Variants in ZNF649 observed in about 807,000 individuals in gnomAD.
ZNF649 encodes zinc finger protein 649.
Under a neutral mutation model 14.1 loss-of-function variants are expected in ZNF649, and 7 were observed. The observed-to-expected ratio is 0.49, with a 90% CI of 0.28 to 0.93. The LOEUF (loss-of-function observed/expected upper bound fraction) is 0.93, where lower values mean the gene tolerates loss of function less well. Among genes scored for constraint, ZNF649 ranks in the 40% least tolerant of loss-of-function variants. The pLI is 0.10. For missense variants in ZNF649, 544 were observed against 608.1 expected (o/e 0.89, Z 1.11); for synonymous variants, 227 against 212.3 (o/e 1.07, Z -0.60).
Position 51,896,941 on chromosome 19 carries a change from G to A in ZNF649, c.53C>T (p.Thr18Ile). 1.2e-6 allele frequency: 2 copies of A among 1,614,184 alleles called. No individual in the cohort carries two copies. The highest frequency in any genetic ancestry group is 2.2e-5 in the East Asian group (1 of 44,884). The change falls in exon 3 of 5, where the codon ACC becomes ATC. Residue 18 changes from threonine to isoleucine, a missense_variant. By Grantham distance (89) the Thr-to-Ile change is moderately conservative (BLOSUM62 -1). Coordinates refer to ENST00000354957, the MANE Select transcript of ZNF649 (RefSeq NM_023074.4). ...GCTCAGGAACTGCCACTCCTCCCAG[G>A]TGAAGTCCACAGCCACATCCTCCAG... is the stretch of plus-strand genomic sequence containing the variant. ...LTLEDVAVDF[T>I]WEEWQFLSPA...
intron 4 of ZNF649, among the ~76,000 whole-genome samples, chr19:51,894,128 A>G (rs915771184): frequency 3.3e-5 from 5 of 150,928 alleles, no homozygotes; most frequent in African/African-American, 1.2e-4. Flanking sequence ...TTTCAAGCTA[A>G]TCTTTTTTTT....
At chr19:51,904,534 C>T (rs2085112389) in intron 1 of ZNF649, among the ~76,000 whole-genome samples, 1 of 152,116 alleles carries the variant, frequency 6.6e-6, no homozygotes, top group Non-Finnish European at 1.5e-5. Context: ...CCGATTCACC[C>T]CAAAACCTAC....
In ZNF649 at chr19:51,891,652, T is replaced by C; in HGVS notation, c.484A>G (p.Lys162Glu). ...FPESRKPIST[K>E]SQFLKHQQTH... ...TGCTGATGTTTAAGGAATTGTGACT[T>C]GGTGCTGATGGGTTTTCTACTTTCA... The change falls in exon 5 of 5, where the codon AAG becomes GAG. Residue 162 changes from lysine to glutamate, a missense_variant. By Grantham distance (56) the Lys-to-Glu change is moderately conservative. Transcript: ENST00000354957. This position sits in a 1 kb window ranked among gnomAD's most constrained non-coding sequence, Gnocchi z 4.2. 1 of 1,614,188 alleles carries C rather than the reference T, an allele frequency of 6.2e-7. No individual in the cohort carries two copies. The highest frequency in any genetic ancestry group is 8.5e-7 in the Non-Finnish European group (1 of 1,180,024).
chr19:51,898,031 G>A (rs1170822082), intron 2 of ZNF649, among the ~76,000 whole-genome samples: 1 of 149,376 alleles, frequency 6.7e-6, no homozygotes, highest in Non-Finnish European at 1.5e-5. Flanking sequence ...CCAGGATGCA[G>A]AGGTTGCAGT....
rs200449932 is a variant in ZNF649, at chr19:51,901,465, G to A, written c.-187-1171C>T. Among the ~76,000 whole-genome samples the A allele has an allele frequency of 1.1e-4, 17 of 152,218 alleles. No homozygotes were observed. The East Asian group carries it at 3.3e-3, about 29-fold the overall frequency. On this transcript the variant is annotated intron_variant, in intron 1 of 4. Transcript: ENST00000354957. ...TAGGTCATGAGGGCTCCTCCCTTGT[G>A]AGTGGCATTAAGGCCCTTATAAAAG...
In ZNF649 at chr19:51,890,575, A is replaced by G; in HGVS notation, c.*43T>C. On this transcript the variant is annotated 3_prime_UTR_variant, in exon 5 of 5. Transcript: ENST00000354957. Reference sequence around the variant, plus strand: ...AAGGCCCATGGGACATGACAAACTCAGCATTCCGCTGGAGGCTATATGATC... The same window carrying G: ...AAGGCCCATGGGACATGACAAACTCGGCATTCCGCTGGAGGCTATATGATC... 2 of 1,350,920 alleles carry G rather than the reference A, an allele frequency of 1.5e-6. No homozygotes were observed. The highest frequency in any genetic ancestry group is 2.1e-6 in the Non-Finnish European group (2 of 960,126). The allele number at this position is 1,350,920 out of a possible 1,614,324, so 83.7% of individuals were successfully genotyped here.
chr19:51,894,258 G>A (rs183767573), intron 4 of ZNF649, among the ~76,000 whole-genome samples: 47 of 151,876 alleles, frequency 3.1e-4, no homozygotes, highest in East Asian at 1.4e-3. Context: ...TCAGTCTCCC[G>A]AGCAGCTGGG....
chr19:51,892,577 G>A (rs1291997788), intron 4 of ZNF649, among the ~76,000 whole-genome samples: 2 of 152,080 alleles, frequency 1.3e-5, no homozygotes, highest in Non-Finnish European at 2.9e-5. Flanking sequence ...GACATAGGTA[G>A]TAGAATAAAT....
At chr19:51,893,802 G>A (rs552145399) in intron 4 of ZNF649, among the ~76,000 whole-genome samples, 8 of 152,082 alleles carry the variant, frequency 5.3e-5, no homozygotes, top group East Asian at 1.9e-4. Context: ...TGTTGGCATC[G>A]GTGAATGGAG....
Position 51,896,394 on chromosome 19 carries a change from A to G in ZNF649, c.238+78T>C, listed in dbSNP as rs574111677. On this transcript the variant is annotated intron_variant, in intron 4 of 4. Coordinates refer to ENST00000354957, the MANE Select transcript of ZNF649 (RefSeq NM_023074.4). The stretch of plus-strand genomic sequence containing the variant: ...TGTTTCTGTCTCCCTAGACACTTTC[A>G]CAACTGTCATGCCTTCTCTAAATGA... 3.1e-6 allele frequency: 4 copies of G among 1,303,814 alleles called. No individual in the cohort carries two copies. In the East Asian group the frequency reaches 9.2e-5, roughly 30 times the overall value. 80.8% of individuals were successfully genotyped at this position (1,303,814 alleles called of 1,614,324 possible).
Position 51,890,622 on chromosome 19 carries a change from G to A in ZNF649, c.1514C>T (p.Ser505Leu). ...GATCAAACAGCAAACTGTTTATCAT[G>A]AATGCAGGATGTGGGCAAACTCACA... ...GQCEFAHILH[S>L] Residue 505 changes from serine to leucine, a missense_variant, in exon 5 of 5, where the codon TCA (serine) becomes TTA (leucine). Transcript: ENST00000354957. 2 of 1,600,392 alleles carry A rather than the reference G, an allele frequency of 1.2e-6. No homozygotes were observed. The highest frequency in any genetic ancestry group is 1.1e-5 in the South Asian group (1 of 90,278).
chr19:51,903,069 G>A (rs73934698), intron 1 of ZNF649, among the ~76,000 whole-genome samples: 13,330 of 151,896 alleles, frequency 0.088, 1,838 homozygotes, highest in African/African-American at 0.29. Flanking sequence ...TACAGATGAA[G>A]AGGCAGATGG....
chr19:51,904,340 G>T (rs962877518), intron 1 of ZNF649: 2 of 152,060 alleles, frequency 1.3e-5, no homozygotes, highest in Non-Finnish European at 2.9e-5. Context: ...TGCATGAATT[G>T]CTCTTTCTCC....
intron 4 of ZNF649, among the ~76,000 whole-genome samples, chr19:51,894,971 C>T (rs2122762779): frequency 6.6e-6 from 1 of 152,312 alleles, no homozygotes; most frequent in South Asian, 2.1e-4. Flanking sequence ...TTAAGAAATG[C>T]TTAATAGATG....
chr19:51,893,522 A>G (rs2085038314), intron 4 of ZNF649, among the ~76,000 whole-genome samples: 1 of 152,134 alleles, frequency 6.6e-6, no homozygotes, highest in Non-Finnish European at 1.5e-5. Flanking sequence ...AACACCTTGT[A>G]TCTACCTGGC....
Position 51,896,508 on chromosome 19 carries a change from T to C in ZNF649, c.202A>G (p.Thr68Ala). ...TKLEQGEPLW[T>A]LEDEIHSPAH... ...GGACTGTGGATTTCATCTTCTAGTG[T>C]CCATAGTGGTTCTCCTTGTTCCAAC... The change falls in exon 4 of 5, where the codon ACA becomes GCA. Residue 68 changes from threonine to alanine, a missense_variant. Thr to Ala is a moderately conservative substitution (Grantham distance 58). Transcript: ENST00000354957. 6.2e-7 allele frequency: 1 copy of C among 1,614,134 alleles called. No individual in the cohort carries two copies.
chr19:51,894,326 G>T (rs1421003343), intron 4 of ZNF649, among the ~76,000 whole-genome samples: 3 of 152,026 alleles, frequency 2.0e-5, no homozygotes, highest in Admixed American at 2.0e-4. Context: ...TAGAGACAGG[G>T]TTTCACCACA....
At chr19:51,893,443 C>T (rs1046962779) in intron 4 of ZNF649, among the ~76,000 whole-genome samples, 2 of 152,120 alleles carry the variant, frequency 1.3e-5, no homozygotes, top group Non-Finnish European at 2.9e-5. Context: ...CAAAGTCACA[C>T]CACTCAGATC....
Position 51,891,210 on chromosome 19 carries a change from T to C in ZNF649, c.926A>G (p.Gln309Arg). The change falls in exon 5 of 5, where the codon CAG becomes CGG. Residue 309 changes from glutamine to arginine, a missense_variant. Gln to Arg is a conservative substitution (Grantham distance 43, BLOSUM62 1). Transcript: ENST00000354957. The surrounding 1 kb of genome is among the most constrained non-coding windows in gnomAD (Gnocchi z 4.2). ...FSRKSLLVVHQRTHTGEKPHT... is the reference protein window; with the variant it reads ...FSRKSLLVVHRRTHTGEKPHT... ...AGGCTTCTCTCCTGTATGAGTTCGCTGATGTACAACGAGTAGTGATTTTCT... is the reference window on the plus strand; with the variant it reads ...AGGCTTCTCTCCTGTATGAGTTCGCCGATGTACAACGAGTAGTGATTTTCT... 1.2e-6 allele frequency: 2 copies of C among 1,614,274 alleles called. No individual in the cohort carries two copies. The highest frequency in any genetic ancestry group is 1.7e-6 in the Non-Finnish European group (2 of 1,180,050).
Sources: gnomAD v4.1 joint callset for allele counts (sites outside exome capture counted in the v4.1 genomes callset) on GRCh38, gnomAD v4.1.1 for gene constraint, Gnocchi (gnomAD v3.1) non-coding constraint, MANE v1.5 for transcripts, NCBI Gene and HGNC (gene_info 2026-07-23, HGNC 2026-07-21) for gene names.